Variants in ASPH observed in about 807,000 individuals in gnomAD.
The protein encoded by ASPH is aspartyl/asparaginyl beta-hydroxylase.
Under a neutral mutation model 118.4 loss-of-function variants are expected in ASPH, and 100 were observed. The ratio of observed to expected loss-of-function variants is 0.84; its 90% CI spans 0.72 to 1.00. The LOEUF (loss-of-function observed/expected upper bound fraction) is 1.00. Ranked by LOEUF, ASPH falls within the 50% of genes least tolerant of loss-of-function variation. ASPH has a pLI of 0.00. For missense variants in ASPH, 920 were observed against 919.5 expected (o/e 1.00, Z -0.01); for synonymous variants, 315 against 325.6 (o/e 0.97, Z 0.35).
chr8:61,688,001 T>C (rs1831213305), intron 1 of ASPH, among the ~76,000 whole-genome samples: 2 of 152,174 alleles, frequency 1.3e-5, no homozygotes, highest in Admixed American at 1.3e-4. Context: ...GCAAACAATA[T>C]ACTCTTGATA....
At chr8:61,578,634 AT>A in intron 15 of ASPH, 1 of 1,573,142 alleles carries the variant, frequency 6.4e-7, no homozygotes, top group East Asian at 2.2e-5. Flanking sequence ...CATGGACAAC[AT>A]GTTCGAGAGC....
At chr8:61,700,726 A>C (rs1835049219) in intron 1 of ASPH, among the ~76,000 whole-genome samples, 1 of 152,250 alleles carries the variant, frequency 6.6e-6, no homozygotes, top group African/African-American at 2.4e-5. Context: ...CAAAGCTGAA[A>C]GGATTCATAA....
intron 14 of ASPH, among the ~76,000 whole-genome samples, chr8:61,609,274 A>G (rs781381764): frequency 1.7e-4 from 26 of 152,176 alleles, no homozygotes; most frequent in Non-Finnish European, 3.5e-4. Flanking sequence ...GTTAGCAAAC[A>G]TCCTCTGCTG....
At chr8:61,626,019 A>G (rs111335408) in intron 13 of ASPH, 18 of 1,216,080 alleles carry the variant, frequency 1.5e-5, no homozygotes, top group African/African-American at 1.4e-4. Context: ...AAGAAATCCA[A>G]TGGATCCACT....
chr8:61,595,425 G>A (rs1162912362), intron 14 of ASPH, among the ~76,000 whole-genome samples: 1 of 152,200 alleles, frequency 6.6e-6, no homozygotes, highest in Non-Finnish European at 1.5e-5. Flanking sequence ...TAACAGGGAT[G>A]TAAATCTATT....
chr8:61,649,135 G>T (rs973989556), intron 5 of ASPH, among the ~76,000 whole-genome samples: 4 of 152,152 alleles, frequency 2.6e-5, no homozygotes, highest in African/African-American at 9.7e-5. Flanking sequence ...GGATGCTACT[G>T]TGCTACTGCA....
chr8:61,675,697 T>C (rs1589054968), intron 3 of ASPH: 2 of 1,008,434 alleles, frequency 2.0e-6, no homozygotes, highest in South Asian at 4.5e-5. Flanking sequence ...TCATAATTAA[T>C]AGTGTGTTAG....
At chr8:61,625,004 G>C in intron 13 of ASPH, 1 of 985,362 alleles carries the variant, frequency 1.0e-6, no homozygotes, top group Non-Finnish European at 1.2e-6. Flanking sequence ...TAAAAATATA[G>C]AAGTATCTTT....
chr8:61,624,384 T>A (rs906387910), intron 13 of ASPH: 1 of 985,298 alleles, frequency 1.0e-6, no homozygotes, highest in Admixed American at 6.1e-5. Flanking sequence ...GCATTATCTG[T>A]TAGAAATACG....
intron 21 of ASPH, among the ~76,000 whole-genome samples, chr8:61,546,911 A>G (rs1392592415): frequency 1.3e-5 from 2 of 152,202 alleles, no homozygotes; most frequent in African/African-American, 2.4e-5. Flanking sequence ...AACATTATCA[A>G]TATTTTGTCA....
chr8:61,680,959 T>C lies in ASPH; in HGVS notation c.322+9A>G, dbSNP rs1388682549. ...CACCACTAACAAAAAACATAAAATGTGTACTTGCCTAATAAAACTTTGGCA... is the reference window on the plus strand; with the variant it reads ...CACCACTAACAAAAAACATAAAATGCGTACTTGCCTAATAAAACTTTGGCA... On this transcript the variant is annotated intron_variant, in intron 3 of 24. Transcript: ENST00000379454. 2 of 1,590,414 alleles carry C rather than the reference T, an allele frequency of 1.3e-6. No homozygotes were observed. The highest frequency in any genetic ancestry group is 8.6e-7 in the Non-Finnish European group (1 of 1,168,026).
At chr8:61,668,161 T>C in intron 3 of ASPH, 1 of 1,434,892 alleles carries the variant, frequency 7.0e-7, no homozygotes, top group Non-Finnish European at 9.7e-7. Flanking sequence ...ATATTAACAT[T>C]CCCAGAAAAT....
chr8:61,647,297 A>T (rs901861262), intron 5 of ASPH, among the ~76,000 whole-genome samples: 23 of 152,228 alleles, frequency 1.5e-4, no homozygotes, highest in African/African-American at 5.1e-4. Context: ...TTTCCTGGGA[A>T]TTGACATAGA....
chr8:61,700,468 G>C (rs919674428), intron 1 of ASPH, among the ~76,000 whole-genome samples: 6 of 152,186 alleles, frequency 3.9e-5, no homozygotes, highest in African/African-American at 1.4e-4. Flanking sequence ...AAGATCCTCT[G>C]CTACCAAGAG....
At chr8:61,690,061 G>C (rs903887678) in intron 1 of ASPH, among the ~76,000 whole-genome samples, 4 of 152,162 alleles carry the variant, frequency 2.6e-5, no homozygotes, top group African/African-American at 9.7e-5. Flanking sequence ...TGCCAGTTTT[G>C]TTTTCTTGGA....
intron 14 of ASPH, among the ~76,000 whole-genome samples, chr8:61,616,877 T>C (rs1209407822): frequency 6.6e-6 from 1 of 152,216 alleles, no homozygotes; most frequent in Non-Finnish European, 1.5e-5. Flanking sequence ...GTGAGTTCCC[T>C]GAAACAGGAA....
intron 21 of ASPH, among the ~76,000 whole-genome samples, chr8:61,529,159 C>T (rs958170283): frequency 1.3e-5 from 2 of 152,104 alleles, no homozygotes; most frequent in Non-Finnish European, 2.9e-5. Flanking sequence ...GTGCCAAAAC[C>T]CCTCTGTACT....
chr8:61,511,870 C>T (rs1335047380), intron 24 of ASPH, among the ~76,000 whole-genome samples: 1 of 152,152 alleles, frequency 6.6e-6, no homozygotes, highest in Non-Finnish European at 1.5e-5. Flanking sequence ...TCCCAAAGTA[C>T]TGGGATTACA....
chr8:61,513,059 T>C (rs1448320101), intron 24 of ASPH, among the ~76,000 whole-genome samples: 1 of 152,208 alleles, frequency 6.6e-6, no homozygotes, highest in Non-Finnish European at 1.5e-5. Flanking sequence ...TTTGCAGGGA[T>C]GGAATATTTA....
Sources: gnomAD v4.1 joint callset for allele counts (sites outside exome capture counted in the v4.1 genomes callset) on GRCh38, gnomAD v4.1.1 for gene constraint, MANE v1.5 for transcripts, NCBI Gene and HGNC (gene_info 2026-07-23, HGNC 2026-07-21) for gene names.